Variants in NLRP1 observed in about 807,000 individuals in gnomAD.
The protein encoded by NLRP1 is NACHT, LRR and PYD domains-containing protein 1.
A neutral mutation model predicts 136.7 loss-of-function variants in NLRP1; 94 were observed. The observed-to-expected ratio is 0.69, with a 90% CI of 0.58 to 0.82. NLRP1 has a LOEUF of 0.82. NLRP1 is among the 40% of genes least tolerant of loss of function. NLRP1 has a pLI of 0.00. For missense variants in NLRP1, 1,575 were observed against 1,802.7 expected (o/e 0.87, Z 2.29); for synonymous variants, 690 against 725.1 (o/e 0.95, Z 0.78).
chr17:5,549,055 A>G (rs1182674693), intron 5 of NLRP1, among the ~76,000 whole-genome samples: 1 of 152,238 alleles, frequency 6.6e-6, no homozygotes, highest in East Asian at 1.9e-4. Context: ...CATTTTAATA[A>G]TATCAAGTCT....
chr17:5,574,660 CTTTTTTT>C (rs1169415443), intron 3 of NLRP1, among the ~76,000 whole-genome samples: 2 of 134,430 alleles, frequency 1.5e-5, no homozygotes, highest in African/African-American at 5.4e-5. Context: ...ATTCAACATT[CTTTTTTT>C]TTTTTTTTTT....
intron 14 of NLRP1, among the ~76,000 whole-genome samples, chr17:5,518,777 A>T: frequency 6.7e-6 from 1 of 149,512 alleles, no homozygotes. Context: ...TGATTCTCCC[A>T]CTATGGCCTC....
chr17:5,561,426 G>GTTTTTTTT (rs61194384), intron 3 of NLRP1, among the ~76,000 whole-genome samples: 9 of 50,408 alleles, frequency 1.8e-4, no homozygotes, highest in African/African-American at 8.3e-4. Context: ...ATGCCATGTG[G>GTTTTTTTT]TTTTTTTTTT....
intron 5 of NLRP1, among the ~76,000 whole-genome samples, chr17:5,549,971 TTATTC>T (rs1284434943): frequency 6.6e-6 from 1 of 152,256 alleles, no homozygotes; most frequent in African/African-American, 2.4e-5. Context: ...TTTGTGTTCT[TTATTC>T]TATTAACATC....
chr17:5,545,523 GACACAGACACAGACAC>G (rs1912535323), intron 5 of NLRP1, among the ~76,000 whole-genome samples: 1 of 105,908 alleles, frequency 9.4e-6, no homozygotes, highest in African/African-American at 3.9e-5. Context: ...TACACACACA[GACACAGACACAGACAC>G]ACACACAGAC....
intron 3 of NLRP1, among the ~76,000 whole-genome samples, chr17:5,565,358 G>T (rs1915225195): frequency 1.3e-5 from 2 of 152,038 alleles, no homozygotes; most frequent in South Asian, 4.1e-4. Flanking sequence ...AGAGTCATTT[G>T]AGCTCCTTAT....
At chr17:5,576,891 C>T (rs1050683572) in intron 3 of NLRP1, among the ~76,000 whole-genome samples, 6 of 152,148 alleles carry the variant, frequency 3.9e-5, no homozygotes, top group Admixed American at 1.3e-4. Context: ...AATCCAGCAG[C>T]ACATCAAAAA....
At chr17:5,562,050 G>A (rs960840442) in intron 3 of NLRP1, among the ~76,000 whole-genome samples, 1 of 152,142 alleles carries the variant, frequency 6.6e-6, no homozygotes, top group Non-Finnish European at 1.5e-5. Flanking sequence ...GCTGAGGGGT[G>A]CAGCCTCCTG....
intron 3 of NLRP1, among the ~76,000 whole-genome samples, chr17:5,563,670 T>G (rs1347083830): frequency 6.6e-6 from 1 of 152,222 alleles, no homozygotes; most frequent in Non-Finnish European, 1.5e-5. Context: ...TGAAAGAGCA[T>G]GAGAAAGCCA....
chr17:5,514,428 T>A lies in NLRP1; in HGVS notation c.*326A>T, dbSNP rs917577909. ...CCAGAGGCAAATGGTTCCATGTCCCTCCTATTCCTCTTTGCGCCTGGATGG... is the reference window on the plus strand; with the variant it reads ...CCAGAGGCAAATGGTTCCATGTCCCACCTATTCCTCTTTGCGCCTGGATGG... On this transcript the variant is annotated 3_prime_UTR_variant, in exon 17 of 17. Transcript: ENST00000572272. The A allele has an allele frequency of 4.1e-5, 49 of 1,183,856 alleles. No individual in the cohort carries two copies. Among genetic ancestry groups the A allele is most frequent in the Non-Finnish European group, 5.1e-5 (48 of 946,412 alleles). The allele number at this position is 1,183,856 out of a possible 1,614,324, so 73.3% of individuals were successfully genotyped here. A position where few individuals can be genotyped will look rare whatever the true frequency, so the allele number is the denominator to read the frequency against.
intron 12 of NLRP1, among the ~76,000 whole-genome samples, chr17:5,523,617 C>T (rs1312131425): frequency 6.6e-6 from 1 of 152,202 alleles, no homozygotes; most frequent in African/African-American, 2.4e-5. Flanking sequence ...ATTGAAGTTA[C>T]AAGAGAGCTT....
chr17:5,582,711 A>T lies in NLRP1; in HGVS notation c.407T>A (p.Val136Asp). Reference sequence around the variant, plus strand: ...AGATGTGTCAGGCAGCTGTCTCAAAACCCTTCTCTCTGAGCCCTGGGTGCA... The same window carrying T: ...AGATGTGTCAGGCAGCTGTCTCAAATCCCTTCTCTCTGAGCCCTGGGTGCA... Reference protein sequence around the residue: ...AGCTQGSERRVLRQLPDTSGR... With the variant: ...AGCTQGSERRDLRQLPDTSGR... The change falls in exon 2 of 17, where the codon GTT becomes GAT. Residue 136 changes from valine to aspartate, a missense_variant. Coordinates refer to ENST00000572272, the MANE Select transcript of NLRP1 (RefSeq NM_033004.4). The T allele has an allele frequency of 6.2e-7, 1 of 1,613,582 alleles. No individual in the cohort carries two copies. The highest frequency in any genetic ancestry group is 8.5e-7 in the Non-Finnish European group (1 of 1,179,884).
intron 4 of NLRP1, among the ~76,000 whole-genome samples, 174 bp downstream of exon 4, chr17:5,558,165 C>G (rs1914301250): frequency 6.6e-6 from 1 of 152,078 alleles, no homozygotes; most frequent in Admixed American, 6.5e-5. Flanking sequence ...TGCAGAGGAG[C>G]TTAGGTAGAC....
chr17:5,582,449 C>A (rs138476411), intron 2 of NLRP1, among the ~76,000 whole-genome samples: 1 of 152,296 alleles, frequency 6.6e-6, no homozygotes, highest in Non-Finnish European at 1.5e-5. Flanking sequence ...TGGGTCTCAG[C>A]TTCCCCATCT....
At chr17:5,524,622 C>A (rs746504617) in intron 12 of NLRP1, among the ~76,000 whole-genome samples, 1 of 152,232 alleles carries the variant, frequency 6.6e-6, no homozygotes, top group Non-Finnish European at 1.5e-5. Flanking sequence ...TGGATGGTCT[C>A]ATCCTGACCT....
chr17:5,534,127 C>T (rs577735726), intron 8 of NLRP1, 139 bp from the exon 9 acceptor site: 28 of 725,160 alleles, frequency 3.9e-5, no homozygotes, highest in Middle Eastern at 5.4e-4. Context: ...TTTGGGAGGC[C>T]GGGATGGGTG....
At chr17:5,539,764 C>T (rs1911619705) in intron 6 of NLRP1, 179 bp from the exon 7 acceptor site, 1 of 761,180 alleles carries the variant, frequency 1.3e-6, no homozygotes, top group Non-Finnish European at 1.6e-6. Flanking sequence ...TTTCCTCTTG[C>T]AGCCACGGAA....
At chr17:5,565,177 C>T (rs1915197491) in intron 3 of NLRP1, among the ~76,000 whole-genome samples, 7 of 152,134 alleles carry the variant, frequency 4.6e-5, no homozygotes, top group Admixed American at 4.6e-4. Flanking sequence ...TGGATAAAAG[C>T]CATTTTAGCT....
chr17:5,502,168 C>T (rs923946098), intron 15 of NLRP1: 6 of 311,330 alleles, frequency 1.9e-5, no homozygotes, highest in East Asian at 6.9e-5. Context: ...CAGTGAATAA[C>T]GGCAGCAGCA....
Sources: allele counts gnomAD v4.1 joint callset (sites outside exome capture counted in the v4.1 genomes callset), GRCh38; gene constraint gnomAD v4.1.1; transcripts MANE v1.5; gene names NCBI Gene and HGNC (gene_info 2026-07-23, HGNC 2026-07-21).